The following BRD9 variants were observed in gnomAD, a reference collection of about 807,000 sequenced individuals.
BRD9 encodes the protein bromodomain containing 9.
A neutral mutation model predicts 68.7 loss-of-function variants in BRD9; 47 were observed. That is an observed-to-expected ratio of 0.68 (90% CI 0.54 to 0.87). The LOEUF (loss-of-function observed/expected upper bound fraction) is 0.87. BRD9 is among the 40% of genes least tolerant of loss of function. BRD9 has a pLI of 0.00. For synonymous variants in BRD9, 313 were observed against 293.9 expected (o/e 1.06, Z -0.67); for missense variants, 670 against 748.4 (o/e 0.90, Z 1.22).
chr5:869,263 G>A, intron 14 of BRD9: 1 of 454,460 alleles, frequency 2.2e-6, no homozygotes, highest in Non-Finnish European at 4.4e-6. Context: ...CCCCTCTTTT[G>A]GAATTCAGGC....
In BRD9 at chr5:887,309, G is replaced by A. The variant is rs1752714785; in HGVS notation, c.717+52C>T. On this transcript the variant is annotated intron_variant, in intron 6 of 15. Transcript: ENST00000467963. ...AGGCTCCCTTCGGGCACAAGCGACG[G>A]GGGGCAGAGCCCCTGCTTTCCGTAG... The A allele has an allele frequency of 3.4e-6, 5 of 1,473,420 alleles. No individual in the cohort carries two copies. In the South Asian group the frequency reaches 3.4e-5, roughly 10 times the overall value. 91.3% of individuals were successfully genotyped at this position (1,473,420 alleles called of 1,614,324 possible).
At position 865,445 on chromosome 5, in the gene BRD9, G is replaced by A. The variant is rs139410447; in HGVS notation, c.1662C>T (p.Ser554=). 11 of 1,593,786 alleles carry A rather than the reference G, an allele frequency of 6.9e-6. No individual in the cohort carries two copies. Among genetic ancestry groups the A allele is most frequent in the Non-Finnish European group, 8.6e-6 (10 of 1,167,066 alleles). The change falls in exon 15 of 16, where the codon TCC becomes TCT. Residue 554 remains serine (S), a synonymous_variant. Transcript: ENST00000467963. ...SRPSSNLSSL[S]NASERDQHHL... Reference sequence around the variant, plus strand: ...GGTGCTGGTCCCTCTCGGAGGCGTTGGACAGGGAGCTGAGGTTGGACGACG... The same window carrying A: ...GGTGCTGGTCCCTCTCGGAGGCGTTAGACAGGGAGCTGAGGTTGGACGACG...
At chr5:884,428 TGACTACGCAGGGTTCACA>T (rs1471576909) in intron 7 of BRD9, among the ~76,000 whole-genome samples, 2 of 152,222 alleles carry the variant, frequency 1.3e-5, no homozygotes, top group Non-Finnish European at 2.9e-5. Flanking sequence ...AAGCCACCCC[TGACTACGCAGGGTTCACA>T]GCAAGGCAGG....
rs759766651 is a variant in BRD9, at chr5:881,162, G to A, written c.987C>T (p.Asn329=). 33 of 1,613,906 alleles carry A rather than the reference G, an allele frequency of 2.0e-5. 1 individual carries two copies. The highest frequency in any genetic ancestry group is 1.2e-4 in the South Asian group (11 of 91,082). The part of the protein sequence containing the change: ...PGGKMGYLKR[N]GDGSLLYSVV... Reference sequence around the variant, plus strand: ...CGCTGTAGAGCAGGCTCCCGTCCCCGTTCCTCTTCAGATAGCCCATCTGGA... The same window carrying A: ...CGCTGTAGAGCAGGCTCCCGTCCCCATTCCTCTTCAGATAGCCCATCTGGA... The change falls in exon 9 of 16, where the codon AAC becomes AAT. Residue 329 remains asparagine (N), a synonymous_variant. Coordinates refer to ENST00000467963, the MANE Select transcript of BRD9 (RefSeq NM_023924.5).
chr5:865,501 C>T lies in BRD9; in HGVS notation c.1606G>A (p.Glu536Lys), dbSNP rs756703738. Residue 536 changes from glutamate to lysine, a missense_variant, in exon 15 of 16, where the codon GAA (glutamate) becomes AAA (lysine). Glu to Lys is a moderately conservative substitution (Grantham distance 56, BLOSUM62 1). Coordinates refer to ENST00000467963, the MANE Select transcript of BRD9 (RefSeq NM_023924.5). ...ETTKLLQDLH[E>K]AQAERGGSRP... The stretch of plus-strand genomic sequence containing the variant: ...GAGCCGCCGCGCTCCGCCTGTGCTT[C>T]GTGCAGGTCCTGCAGGAGCTTCGTC... 2 of 1,607,838 alleles carry T rather than the reference C, an allele frequency of 1.2e-6. No homozygotes were observed. The highest frequency in any genetic ancestry group is 1.3e-5 in the African/African-American group (1 of 74,926).
chr5:890,941 G>A (rs1753268218), intron 3 of BRD9, among the ~76,000 whole-genome samples: 2 of 152,138 alleles, frequency 1.3e-5, no homozygotes, highest in African/African-American at 4.8e-5. Flanking sequence ...AAACAAAACT[G>A]AAGGGCACCA....
chr5:883,079 C>T (rs934098462), intron 8 of BRD9: 32 of 356,452 alleles, frequency 9.0e-5, no homozygotes, highest in African/African-American at 3.2e-4. Flanking sequence ...ACGCAGACCA[C>T]GACCTCCCAA....
At chr5:886,545 A>T in intron 7 of BRD9, 47 bp downstream of exon 7, 1 of 1,541,836 alleles carries the variant, frequency 6.5e-7, no homozygotes, top group Non-Finnish European at 8.9e-7. Context: ...TTTCCTGGCT[A>T]TGGTGCTCAA....
chr5:876,234 G>A (rs749128014), intron 11 of BRD9, 22 bp from the exon 12 acceptor site: 8 of 1,593,506 alleles, frequency 5.0e-6, no homozygotes, highest in African/African-American at 1.3e-5. Flanking sequence ...GCGGGAGAAG[G>A]TACGCTGAAA....
At chr5:868,987 C>T (rs924980638) in intron 14 of BRD9, 9 of 220,762 alleles carry the variant, frequency 4.1e-5, no homozygotes, top group African/African-American at 1.7e-4. Flanking sequence ...ATGGCCCCAC[C>T]GGCTGATGCC....
Position 884,111 on chromosome 5 carries a change from C to A in BRD9, c.834-41G>T, listed in dbSNP as rs763584733. On this transcript the variant is annotated intron_variant, in intron 7 of 15. Transcript: ENST00000467963. ...AACCAAGTCACCTGGAGGCAGCGTC[C>A]CCACCGCACACCTGCTCCCCATGCG... 2.5e-6 allele frequency: 4 copies of A among 1,601,330 alleles called. No individual in the cohort carries two copies. In the East Asian group the frequency reaches 9.0e-5, roughly 36 times the overall value.
intron 5 of BRD9, chr5:888,534 C>G (rs1752893772): frequency 6.6e-6 from 1 of 152,450 alleles, no homozygotes; most frequent in South Asian, 2.1e-4. Flanking sequence ...CTTTCTTCCC[C>G]TGGGTTGCAA....
Position 887,449 on chromosome 5 carries a change from T to C in BRD9, c.629A>G (p.Asp210Gly). 6.2e-7 allele frequency: 1 copy of C among 1,613,870 alleles called. No individual in the cohort carries two copies. Among genetic ancestry groups the C allele is most frequent in the Non-Finnish European group, 8.5e-7 (1 of 1,179,866 alleles). The change falls in exon 6 of 16, where the codon GAT becomes GGT. Residue 210 changes from aspartate to glycine, a missense_variant. Asp to Gly is a moderately conservative substitution (Grantham distance 94). Around this residue, in one of 5 missense-constraint regions of BRD9, gnomAD observed 94 missense variants for 157.2 expected, o/e 0.60. Transcript: ENST00000467963. ...TGGCCTATTGTATGTCATTGCATTA[T>C]CACACATCAGCTTGAAATCTGCCTG... ...EFKADFKLMC[D>G]NAMTYNRPDT...
chr5:878,281 GGGACTCCACGTCC>G, intron 11 of BRD9, 61 bp downstream of exon 11: 1 of 1,588,444 alleles, frequency 6.3e-7, no homozygotes, highest in South Asian at 1.1e-5. Context: ...GCACACATGT[GGGACTCCACGTCC>G]CACACCAGGG....
intron 11 of BRD9, 135 bp from the exon 12 acceptor site, chr5:876,347 T>G (rs744587): frequency 0.073 from 45,205 of 615,658 alleles, 3,515 homozygotes; most frequent in African/African-American, 0.32. Flanking sequence ...GGGTATTTTG[T>G]GGGGAGTGGC....
chr5:873,520 A>G lies in BRD9; in HGVS notation c.1384-1956T>C, dbSNP rs138156603. On this transcript the variant is annotated intron_variant, in intron 12 of 15. Coordinates refer to ENST00000467963, the MANE Select transcript of BRD9 (RefSeq NM_023924.5). ...TTGCAGATACCGCCCTTCTAGGCCA[A>G]GCCGACATGTAACCTCTGTGTCCTT... Among the ~76,000 whole-genome samples, 650 of 152,326 alleles carry G rather than the reference A, an allele frequency of 4.3e-3. 5 individuals are homozygous for G. The highest frequency in any genetic ancestry group is 0.015 in the African/African-American group (632 of 41,560).
At chr5:880,914 C>T (rs893415224) in intron 9 of BRD9, among the ~76,000 whole-genome samples, 193 bp downstream of exon 9, 2 of 152,374 alleles carry the variant, frequency 1.3e-5, no homozygotes, top group East Asian at 1.9e-4. Flanking sequence ...GACCAGCACC[C>T]CCGCCCCGCG....
intron 5 of BRD9, among the ~76,000 whole-genome samples, chr5:887,749 C>T (rs1260014548): frequency 6.6e-6 from 1 of 152,196 alleles, no homozygotes; most frequent in Non-Finnish European, 1.5e-5. Flanking sequence ...AAAGCGTTTC[C>T]TGCGCTTCTT....
intron 9 of BRD9, among the ~76,000 whole-genome samples, chr5:880,417 G>T (rs1451960372): frequency 1.3e-4 from 19 of 150,144 alleles, no homozygotes; most frequent in Admixed American, 1.3e-3. Context: ...AGATTATATA[G>T]ATCAGCCCGT....
Sources: allele counts gnomAD v4.1 joint callset (sites outside exome capture counted in the v4.1 genomes callset), GRCh38; gene constraint gnomAD v4.1.1; regional missense constraint gnomAD v4.1.1; transcripts MANE v1.5; gene names NCBI Gene and HGNC (gene_info 2026-07-23, HGNC 2026-07-21).